FCGR2A: variants seen among roughly 807,000 people sequenced by gnomAD.
FCGR2A encodes the protein low affinity immunoglobulin gamma Fc region receptor II-a.
In FCGR2A, 18 loss-of-function variants were observed where a neutral mutation model predicts 29.3. That is an observed-to-expected ratio of 0.62 (90% confidence interval 0.43 to 0.91). The LOEUF is 0.91. Ranked by LOEUF, FCGR2A falls within the 40% of genes least tolerant of loss-of-function variation. The pLI is 0.00. For missense variants in FCGR2A, 287 were observed against 393.0 expected (o/e 0.73, Z 2.28); for synonymous variants, 126 against 144.8 (o/e 0.87, Z 0.93).
Position 161,511,879 on chromosome 1 carries a change from AC to A in FCGR2A, c.742+925del, listed in dbSNP as rs1366105409. On this transcript the variant is annotated intron_variant, in intron 5 of 6. Transcript: ENST00000271450. Reference sequence around the variant, plus strand: ...ATGGCTCACCAGGGCTGCCGGCTGGACCTGAGCCAGCGAGAAGGGGCTTGTG... The same window carrying A: ...ATGGCTCACCAGGGCTGCCGGCTGGACTGAGCCAGCGAGAAGGGGCTTGTG... Among the ~76,000 whole-genome samples the A allele has an allele frequency of 1.5e-4, 23 of 152,262 alleles. No individual in the cohort carries two copies. In the South Asian group the frequency reaches 1.7e-3, roughly 11 times the overall value.
Position 161,510,935 on chromosome 1 carries a change from T to C in FCGR2A, c.721T>C (p.Cys241Arg), listed in dbSNP as rs1367258342. 4 of 1,614,076 alleles carry C rather than the reference T, an allele frequency of 2.5e-6. No individual in the cohort carries two copies. In the East Asian group the frequency reaches 6.7e-5, roughly 27 times the overall value. ...TGCTGCTGTAGTGGCCTTGATCTAC[T>C]GCAGGAAAAAGCGGATTTCAGGTTT... ...IVAAVVALIY[C>R]RKKRISANST... is the part of the protein sequence containing the mutation. Residue 241 changes from cysteine (C) to arginine (R), a missense_variant, in exon 5 of 7, where the codon TGC (cysteine) becomes CGC (arginine). Around this residue, in one of 3 missense-constraint regions of FCGR2A, gnomAD observed 72 missense variants for 68.6 expected, o/e 1.05. Transcript: ENST00000271450.
At chr1:161,520,844 C>G (rs946784402), downstream of FCGR2A, among the ~76,000 whole-genome samples, 3 of 152,026 alleles carry the variant, frequency 2.0e-5, no homozygotes, top group Non-Finnish European at 4.4e-5. Context: ...AAGGCTAGAG[C>G]TTTTCCAATA....
chr1:161,514,274 A>G (rs1676004397), intron 6 of FCGR2A, among the ~76,000 whole-genome samples: 1 of 150,844 alleles, frequency 6.6e-6, no homozygotes. Flanking sequence ...TACCTCACCC[A>G]AAAGACAATT....
At chr1:161,505,842 T>C in intron 1 of FCGR2A, 145 bp from the exon 2 acceptor site, 1 of 825,290 alleles carries the variant, frequency 1.2e-6, no homozygotes, top group Non-Finnish European at 2.1e-6. Flanking sequence ...AATACTTTTA[T>C]AAAAGATCAA....
At position 161,506,123 on chromosome 1, in the gene FCGR2A, C is replaced by T; in HGVS notation, c.106+116C>T. 5 of 1,298,498 alleles carry T rather than the reference C, an allele frequency of 3.9e-6. No individual in the cohort carries two copies. The Admixed American group carries it at 6.7e-5, about 18-fold the overall frequency. The allele number at this position is 1,298,498 out of a possible 1,614,324, so 80.4% of individuals were successfully genotyped here. ...TTCCACTGAAAATCAAGCTTGGGTT[C>T]AGCATGGGCAGTTCCCCCATTTTAG... On this transcript the variant is annotated intron_variant, in intron 2 of 6. Transcript: ENST00000271450.
chr1:161,522,866 G>A (rs542696946), downstream of FCGR2A: 1 of 152,106 alleles, frequency 6.6e-6, no homozygotes, highest in East Asian at 1.9e-4. Context: ...ATTAACCAAG[G>A]AACCCAGCCC....
intron 1 of FCGR2A, 25 bp downstream of exon 1, chr1:161,505,577 G>C (rs757837431): frequency 2.5e-6 from 4 of 1,592,180 alleles, no homozygotes; most frequent in East Asian, 4.5e-5. Context: ...TTCTGAAATG[G>C]GGCAATTTCA....
intron 5 of FCGR2A, among the ~76,000 whole-genome samples, chr1:161,511,429 T>C (rs1675767043): frequency 6.6e-6 from 1 of 152,182 alleles, no homozygotes; most frequent in South Asian, 2.1e-4. Context: ...CCTCAGTTAC[T>C]GATGATAAGT....
chr1:161,518,167 G>T lies in FCGR2A; in HGVS notation c.*19G>T. The stretch of plus-strand genomic sequence containing the variant: ...TAACTAAAGAGTAACGTTATGCCAT[G>T]TGGTCATACTCTCAGCTTGCTGAGT... On this transcript the variant is annotated 3_prime_UTR_variant, in exon 7 of 7. Coordinates refer to ENST00000271450, the MANE Select transcript of FCGR2A (RefSeq NM_001136219.3). 1 of 1,611,608 alleles carries T rather than the reference G, an allele frequency of 6.2e-7. No homozygotes were observed. The highest frequency in any genetic ancestry group is 8.5e-7 in the Non-Finnish European group (1 of 1,179,004).
intron 5 of FCGR2A, among the ~76,000 whole-genome samples, chr1:161,511,968 T>C (rs1675824466): frequency 6.6e-6 from 1 of 152,100 alleles, no homozygotes; most frequent in Non-Finnish European, 1.5e-5. Context: ...TCAAATCGCT[T>C]GGTCAACTCT....
At chr1:161,523,862 T>TA, downstream of FCGR2A, 1 of 152,118 alleles carries the variant, frequency 6.6e-6, no homozygotes, top group South Asian at 2.1e-4. Flanking sequence ...TGGCCGGGAA[T>TA]CGAACCCGGG....
chr1:161,511,135 C>T (rs1483389234), intron 5 of FCGR2A, among the ~76,000 whole-genome samples, 179 bp downstream of exon 5: 3 of 152,226 alleles, frequency 2.0e-5, no homozygotes, highest in East Asian at 3.8e-4. Context: ...GGAGTCACCT[C>T]ACAGGGTTGC....
chr1:161,510,179 A>G, intron 4 of FCGR2A, 105 bp downstream of exon 4: 17 of 1,553,234 alleles, frequency 1.1e-5, no homozygotes, highest in South Asian at 8.7e-5. Context: ...TAGCAGCAAA[A>G]TTGGGCACTG....
At chr1:161,512,584 C>G (rs1018960864) in intron 5 of FCGR2A, among the ~76,000 whole-genome samples, 8 of 150,022 alleles carry the variant, frequency 5.3e-5, no homozygotes, top group Non-Finnish European at 1.2e-4. Context: ...AAAGGAACTT[C>G]CAGGAGGATG....
chr1:161,513,961 T>G, intron 6 of FCGR2A, 29 bp downstream of exon 6: 1 of 1,614,156 alleles, frequency 6.2e-7, no homozygotes, highest in South Asian at 1.1e-5. Context: ...CTCCTTTTCC[T>G]CCTGCCTTGT....
At chr1:161,511,829 A>G (rs566384381) in intron 5 of FCGR2A, among the ~76,000 whole-genome samples, 6 of 152,260 alleles carry the variant, frequency 3.9e-5, no homozygotes, top group Non-Finnish European at 5.9e-5. Flanking sequence ...CCAGGTGAAT[A>G]CAGAGTTGTC....
intron 6 of FCGR2A, chr1:161,514,695 T>A (rs1676036615): frequency 6.5e-6 from 1 of 152,908 alleles, no homozygotes; most frequent in Admixed American, 6.5e-5. Context: ...CAGCAGTTAA[T>A]CTTGGTATTT....
intron 6 of FCGR2A, among the ~76,000 whole-genome samples, chr1:161,515,514 A>T (rs559350230): frequency 6.6e-6 from 1 of 152,206 alleles, no homozygotes; most frequent in East Asian, 1.9e-4. Context: ...ATTGACTCCT[A>T]ATAATAGGTG....
intron 5 of FCGR2A, among the ~76,000 whole-genome samples, chr1:161,511,620 G>T (rs1341927400): frequency 7.2e-5 from 11 of 152,200 alleles, no homozygotes; most frequent in Admixed American, 7.2e-4. Context: ...CAGCCCCTGA[G>T]CAGGGGAACT....
Sources: allele counts gnomAD v4.1 joint callset (sites outside exome capture counted in the v4.1 genomes callset), GRCh38; gene constraint gnomAD v4.1.1; regional missense constraint gnomAD v4.1.1; transcripts MANE v1.5; gene names NCBI Gene and HGNC (gene_info 2026-07-23, HGNC 2026-07-21).